LRBA: variants seen among roughly 807,000 people sequenced by gnomAD.
The protein encoded by LRBA is lipopolysaccharide-responsive and beige-like anchor protein.
Under a neutral mutation model 330.0 loss-of-function variants are expected in LRBA, and 176 were observed. The ratio of observed to expected loss-of-function variants is 0.53; its 90% CI spans 0.47 to 0.60. The LOEUF (loss-of-function observed/expected upper bound fraction) is 0.60, where lower values mean the gene tolerates loss of function less well. Ranked by LOEUF, LRBA falls within the 20% of genes least tolerant of loss-of-function variation. LRBA has a pLI of 0.00. For synonymous variants in LRBA, 1,230 were observed against 1,193.0 expected, an observed-to-expected ratio of 1.03 and a Z score of -0.64; for missense variants, 3,259 against 3,444.8, an observed-to-expected ratio of 0.95 and a Z score of 1.35.
intron 40 of LRBA, among the ~76,000 whole-genome samples, chr4:150,492,617 C>T (rs899277930): frequency 6.6e-6 from 1 of 152,106 alleles, no homozygotes; most frequent in Non-Finnish European, 1.5e-5. Context: ...CCCTTCACCT[C>T]AAAATTTTAA....
At chr4:150,438,569 C>T (rs1224712607) in intron 44 of LRBA, among the ~76,000 whole-genome samples, 1 of 151,880 alleles carries the variant, frequency 6.6e-6, no homozygotes, top group African/African-American at 2.4e-5. Context: ...TTTATGAACA[C>T]CTATTAGTTA....
chr4:150,338,135 A>G (rs1208461852), intron 48 of LRBA, among the ~76,000 whole-genome samples: 1 of 152,148 alleles, frequency 6.6e-6, no homozygotes, highest in African/African-American at 2.4e-5. Context: ...ATAAATTTGG[A>G]AGAGGGAAAA....
At chr4:150,892,210 A>G (rs949320989) in intron 17 of LRBA, among the ~76,000 whole-genome samples, 5 of 152,244 alleles carry the variant, frequency 3.3e-5, no homozygotes, top group African/African-American at 1.2e-4. Flanking sequence ...CTCATTAAAC[A>G]AAAGATTTTA....
intron 22 of LRBA, among the ~76,000 whole-genome samples, chr4:150,866,765 T>C (rs1752747542): frequency 6.6e-6 from 1 of 151,944 alleles, no homozygotes; most frequent in Admixed American, 6.6e-5. Flanking sequence ...ATTGAGAAAA[T>C]GAACAAAACT....
chr4:150,784,326 T>A (rs1560812803), intron 34 of LRBA, among the ~76,000 whole-genome samples: 1 of 152,200 alleles, frequency 6.6e-6, no homozygotes, highest in Non-Finnish European at 1.5e-5. Context: ...CTTGTAAAAG[T>A]CCTGGCTCTT....
At chr4:150,293,105 C>G (rs1728536874) in intron 53 of LRBA, among the ~76,000 whole-genome samples, 1 of 151,994 alleles carries the variant, frequency 6.6e-6, no homozygotes, top group South Asian at 2.1e-4. Flanking sequence ...AGATAAAAAA[C>G]AAAAATATAT....
chr4:150,793,814 T>G (rs1412029563), intron 34 of LRBA, among the ~76,000 whole-genome samples: 1 of 152,200 alleles, frequency 6.6e-6, no homozygotes, highest in Admixed American at 6.5e-5. Context: ...GCTAACTGAT[T>G]CATTTTTTCC....
At chr4:150,419,922 G>A (rs1057012916) in intron 46 of LRBA, among the ~76,000 whole-genome samples, 6 of 149,088 alleles carry the variant, frequency 4.0e-5, no homozygotes, top group Non-Finnish European at 8.9e-5. Context: ...ACAGGAATGA[G>A]CCACCAAGCC....
intron 17 of LRBA, among the ~76,000 whole-genome samples, chr4:150,875,145 T>A (rs1336936132): frequency 6.6e-6 from 1 of 152,196 alleles, no homozygotes; most frequent in Non-Finnish European, 1.5e-5. Context: ...TATGTAGAGA[T>A]CCTGGTACAG....
intron 47 of LRBA, among the ~76,000 whole-genome samples, chr4:150,396,167 T>C (rs1303046198): frequency 1.3e-5 from 2 of 152,086 alleles, no homozygotes; most frequent in Admixed American, 6.5e-5. Context: ...CAGAACAGAA[T>C]AAAAAAGCAG....
intron 2 of LRBA, among the ~76,000 whole-genome samples, chr4:150,941,715 C>T (rs1053990943): frequency 3.3e-5 from 5 of 151,988 alleles, no homozygotes; most frequent in East Asian, 3.9e-4. Context: ...GGGGGAACCC[C>T]GTCTCTAATA....
rs577094415 is a variant in LRBA at position 150,726,478 on chromosome 4, C to A, written c.5754+8780G>T. Among the ~76,000 whole-genome samples, 62 of 152,176 alleles carry A rather than the reference C, an allele frequency of 4.1e-4. 1 individual carries two copies. The South Asian group carries it at 0.012, about 30-fold the overall frequency. ...TAAATAAATATGCACTGTATTAGTCCGTTTTCACACTGCTATAAAGAACTA... is the reference window on the plus strand; with the variant it reads ...TAAATAAATATGCACTGTATTAGTCAGTTTTCACACTGCTATAAAGAACTA... On this transcript the variant is annotated intron_variant, in intron 36 of 56. Coordinates refer to ENST00000651943, the MANE Select transcript of LRBA (RefSeq NM_001364905.1).
At chr4:150,898,662 ACT>A (rs1553993945) in intron 14 of LRBA, among the ~76,000 whole-genome samples, 2 of 147,190 alleles carry the variant, frequency 1.4e-5, no homozygotes, top group Non-Finnish European at 3.0e-5. Flanking sequence ...AAATAATAAG[ACT>A]AGAGTTAGAA....
intron 35 of LRBA, among the ~76,000 whole-genome samples, chr4:150,760,911 C>A (rs1734981105): frequency 1.3e-5 from 2 of 152,126 alleles, no homozygotes; most frequent in South Asian, 2.1e-4. Context: ...ACTCTTTTCG[C>A]CCTTTTCCAT....
rs746803553 is a variant in LRBA, at chr4:150,302,636, T to A, written c.8006A>T (p.Asp2669Val). 6.2e-7 allele frequency: 1 copy of A among 1,606,964 alleles called. No individual in the cohort carries two copies. ...YWNGKCSGIG[D>V]NPGSETAAPR... is the part of the protein sequence containing the mutation. ...TGAGTCATACTTACTGCCTGGGTTA[T>A]CTCCAATCCCACTGCATTTTCCATT... The change falls in exon 53 of 57, where the codon GAT (aspartate) becomes GTT (valine). Residue 2669 changes from aspartate to valine, a missense_variant. Physicochemically the swap from Asp to Val is radical, Grantham distance 152. Transcript: ENST00000651943.
At chr4:150,974,821 A>C (rs1739969848) in intron 2 of LRBA, among the ~76,000 whole-genome samples, 1 of 152,178 alleles carries the variant, frequency 6.6e-6, no homozygotes, top group South Asian at 2.1e-4. Flanking sequence ...AGCTTTGAGA[A>C]TCGAACTCAA....
At chr4:150,576,292 G>A in intron 40 of LRBA, among the ~76,000 whole-genome samples, 1 of 151,754 alleles carries the variant, frequency 6.6e-6, no homozygotes, top group Admixed American at 6.6e-5. Context: ...ATAAAAGAAT[G>A]TAGTGTTACA....
intron 46 of LRBA, among the ~76,000 whole-genome samples, chr4:150,432,504 CTGG>C (rs1230016865): frequency 2.3e-5 from 3 of 128,866 alleles, no homozygotes; most frequent in African/African-American, 9.0e-5. Context: ...GTCACCCAGG[CTGG>C]AGTGCAGTGG....
In LRBA at chr4:150,908,825, A is replaced by G. The variant is rs764776694; in HGVS notation, c.1194T>C (p.Leu398=). Residue 398 remains leucine, a synonymous_variant, in exon 10 of 57, where the codon CTT becomes CTC. Transcript: ENST00000651943. ...AAAGTTTGTGATGCTCAGCAAGGAA[A>G]AGGTCGCTTTCTGCTTTGAATTTAA... ...GTFKFKAESD[L]FLAEHHKLLL... is the part of the protein sequence containing the mutation. The G allele has an allele frequency of 3.7e-6, 6 of 1,613,620 alleles. No individual in the cohort carries two copies. Among genetic ancestry groups the G allele is most frequent in the Non-Finnish European group, 5.1e-6 (6 of 1,179,752 alleles).
Sources: allele counts gnomAD v4.1 joint callset (sites outside exome capture counted in the v4.1 genomes callset), GRCh38; gene constraint gnomAD v4.1.1; transcripts MANE v1.5; gene names NCBI Gene and HGNC (gene_info 2026-07-23, HGNC 2026-07-21).